DLST: variants seen among roughly 807,000 people sequenced by gnomAD.
DLST encodes the protein dihydrolipoamide S-succinyltransferase.
In DLST, 17 loss-of-function variants were observed where a neutral mutation model predicts 53.1. The observed-to-expected ratio is 0.32, with a 90% confidence interval of 0.22 to 0.48. The LOEUF (loss-of-function observed/expected upper bound fraction) is 0.48, where lower values mean the gene tolerates loss of function less well. Among genes scored for constraint, DLST ranks in the 20% least tolerant of loss-of-function variants. The probability of loss-of-function intolerance (pLI) is 0.99; values close to 1 mark genes in which losing one functional copy is unlikely to be tolerated. For missense variants in DLST, 512 were observed against 583.9 expected (o/e 0.88, Z 1.27); for synonymous variants, 206 against 204.8 (o/e 1.01, Z -0.05).
At chr14:74,891,678 T>C (rs1883912666) in intron 7 of DLST, 1 of 984,340 alleles carries the variant, frequency 1.0e-6, no homozygotes, top group African/African-American at 1.7e-5. Flanking sequence ...CTGGACCTGA[T>C]AGGATTAGAG....
chr14:74,900,199 G>C (rs1884198014), intron 12 of DLST, 90 bp from the exon 13 acceptor site: 1 of 1,230,734 alleles, frequency 8.1e-7, no homozygotes, highest in African/African-American at 1.5e-5. Context: ...GTATTCTAGG[G>C]AGGGCATACC....
intron 1 of DLST, 48 bp from the exon 2 acceptor site, chr14:74,882,542 GT>G (rs200233900): frequency 4.2e-5 from 66 of 1,572,252 alleles, no homozygotes; most frequent in African/African-American, 2.5e-4. Context: ...AAAAAGCTGG[GT>G]TTTTTTTTCA....
At chr14:74,898,334 CT>C in intron 10 of DLST, 34 bp from the exon 11 acceptor site, 1 of 1,601,346 alleles carries the variant, frequency 6.2e-7, no homozygotes, top group East Asian at 2.2e-5. Context: ...AAAATGCAGG[CT>C]TTGTGGTCAG....
intron 3 of DLST, among the ~76,000 whole-genome samples, chr14:74,886,221 A>G (rs1254818863): frequency 6.6e-6 from 1 of 152,244 alleles, no homozygotes; most frequent in Non-Finnish European, 1.5e-5. Context: ...AATGCTCTCT[A>G]GTAACCTGTT....
rs368696338 is a variant in DLST, at chr14:74,891,148, C to T, written c.423C>T (p.Phe141=). The T allele has an allele frequency of 6.2e-7, 1 of 1,614,056 alleles. No individual in the cohort carries two copies. The highest frequency in any genetic ancestry group is 8.5e-7 in the Non-Finnish European group (1 of 1,180,012). ...GGKVEGGTPL[F]TLRKTGAAPA... The stretch of plus-strand genomic sequence containing the variant: ...AAGTCGAAGGAGGCACTCCACTTTT[C>T]ACACTCAGGAAAACTGGTGGTAAAG... Residue 141 remains phenylalanine, a synonymous_variant, in exon 7 of 15, where the codon TTC becomes TTT. Transcript: ENST00000334220.
chr14:74,890,944 C>A lies in DLST; in HGVS notation c.331-112C>A, dbSNP rs879046987. ...CCGCCTGCCTTGGCATCCCAATATGCTGGGACTACAGGCATGAGCCACTGT... is the reference window on the plus strand; with the variant it reads ...CCGCCTGCCTTGGCATCCCAATATGATGGGACTACAGGCATGAGCCACTGT... On this transcript the variant is annotated intron_variant, in intron 6 of 14. Transcript: ENST00000334220. The A allele has an allele frequency of 1.0e-5, 14 of 1,390,716 alleles. 1 individual carries two copies. In the South Asian group the frequency reaches 2.0e-4, roughly 19 times the overall value. 86.1% of individuals were successfully genotyped at this position (1,390,716 alleles called of 1,614,324 possible).
At chr14:74,889,020 C>T in intron 3 of DLST, 75 bp from the exon 4 acceptor site, 2 of 1,478,200 alleles carry the variant, frequency 1.4e-6, no homozygotes, top group South Asian at 1.1e-5. Context: ...GGGAAGGTGA[C>T]CCATGGGGCC....
rs764883877 is a variant in DLST at position 74,892,909 on chromosome 14, T to G, written c.518T>G (p.Val173Gly). The G allele has an allele frequency of 1.9e-6, 3 of 1,614,066 alleles. No individual in the cohort carries two copies. Among genetic ancestry groups the G allele is most frequent in the Admixed American group, 1.7e-5 (1 of 59,988 alleles). The change falls in exon 8 of 15, where the codon GTT becomes GGT. Residue 173 changes from valine (V) to glycine (G), a missense_variant. Coordinates refer to ENST00000334220, the MANE Select transcript of DLST (RefSeq NM_001933.5). ...AAAGCAGAACCTACAGCAGCGGCAG[T>G]TCCTCCCCCTGCAGCACCCATACCC... ...APKAEPTAAA[V>G]PPPAAPIPTQ...
intron 11 of DLST, among the ~76,000 whole-genome samples, chr14:74,899,446 A>G (rs1405370753): frequency 1.3e-5 from 2 of 151,960 alleles, no homozygotes; most frequent in African/African-American, 2.4e-5. Context: ...GAGGTAGCAT[A>G]TTTCAAAGCC....
intron 12 of DLST, 75 bp from the exon 13 acceptor site, chr14:74,900,214 G>A: frequency 7.2e-7 from 1 of 1,397,270 alleles, no homozygotes; most frequent in Non-Finnish European, 1.0e-6. Flanking sequence ...CATACCATGG[G>A]TTGAATCAAG....
intron 10 of DLST, among the ~76,000 whole-genome samples, chr14:74,897,370 ATAAAGT>A (rs1384538666): frequency 2.6e-5 from 4 of 152,360 alleles, no homozygotes; most frequent in East Asian, 1.9e-4. Flanking sequence ...TGGCCCTGAG[ATAAAGT>A]TAAATTCAAT....
At chr14:74,895,769 G>A (rs755919300) in intron 10 of DLST, among the ~76,000 whole-genome samples, 2 of 152,090 alleles carry the variant, frequency 1.3e-5, no homozygotes, top group Non-Finnish European at 2.9e-5. Flanking sequence ...GCATGGTGGC[G>A]TATGCCTGTA....
rs564767822 is a variant in DLST at position 74,882,042 on chromosome 14, C to G, written c.63+26C>G. 47 of 1,529,262 alleles carry G rather than the reference C, an allele frequency of 3.1e-5. 1 individual carries two copies. In the South Asian group the frequency reaches 5.4e-4, roughly 18 times the overall value. The allele number at this position is 1,529,262 out of a possible 1,614,324, so 94.7% of individuals were successfully genotyped here. A position where few individuals can be genotyped will look rare whatever the true frequency, so the allele number is the denominator to read the frequency against. On this transcript the variant is annotated intron_variant, in intron 1 of 14. Coordinates refer to ENST00000334220, the MANE Select transcript of DLST (RefSeq NM_001933.5). ...GTACGGTCTGGCCGAGCCGGGGCCC[C>G]GACGGGTGAGGAGTCTGTTGGCGGG...
chr14:74,893,123 T>G, intron 8 of DLST, 137 bp downstream of exon 8: 1 of 1,187,484 alleles, frequency 8.4e-7, no homozygotes, highest in Non-Finnish European at 1.2e-6. Context: ...AGACTTTGTA[T>G]CCAAAGGCCT....
intron 5 of DLST, 138 bp from the exon 6 acceptor site, chr14:74,889,758 CT>C: frequency 1.3e-6 from 1 of 749,120 alleles, no homozygotes; most frequent in South Asian, 1.8e-5. Context: ...ATTTATAGCT[CT>C]GCCGTTTTCT....
At chr14:74,889,612 C>A in intron 5 of DLST, 1 of 536,664 alleles carries the variant, frequency 1.9e-6, no homozygotes, top group South Asian at 2.5e-5. Context: ...CTCAGGTGAT[C>A]TGCCCACCTC....
At chr14:74,883,411 G>T (rs1883599994) in intron 2 of DLST, among the ~76,000 whole-genome samples, 1 of 152,144 alleles carries the variant, frequency 6.6e-6, no homozygotes, top group African/African-American at 2.4e-5. Flanking sequence ...GAGGTTGGCA[G>T]AACTTAAGAG....
intron 2 of DLST, among the ~76,000 whole-genome samples, chr14:74,883,874 G>C (rs1883616707): frequency 6.6e-6 from 1 of 152,208 alleles, no homozygotes; most frequent in African/African-American, 2.4e-5. Context: ...GCCAGCCACT[G>C]TTCTAGGTAA....
Position 74,891,350 on chromosome 14 carries a change from T to C in DLST, c.442+183T>C. On this transcript the variant is annotated intron_variant, in intron 7 of 14. Transcript: ENST00000334220. ...CAAATGTCAAATTCTAAAAGAAAAG[T>C]GTATTTTTTAAAAAATAAACCTTAT... 1.5e-6 allele frequency: 2 copies of C among 1,375,640 alleles called. 1 individual carries two copies. Among genetic ancestry groups the C allele is most frequent in the South Asian group, 3.5e-5 (2 of 57,866 alleles). The allele number at this position is 1,375,640 out of a possible 1,614,324, so 85.2% of individuals were successfully genotyped here.
Sources: gnomAD v4.1 joint callset for allele counts (sites outside exome capture counted in the v4.1 genomes callset) on GRCh38, gnomAD v4.1.1 for gene constraint, MANE v1.5 for transcripts, NCBI Gene and HGNC (gene_info 2026-07-23, HGNC 2026-07-21) for gene names.